ALS2: variants seen among roughly 807,000 people sequenced by gnomAD.
ALS2 encodes alsin Rho guanine nucleotide exchange factor ALS2, also known as alsin.
ALS2 carries 117 observed loss-of-function variants against 203.4 expected under a neutral mutation model. That is an observed-to-expected ratio of 0.58 (90% CI 0.50 to 0.67). The LOEUF (loss-of-function observed/expected upper bound fraction) is 0.67. Among genes scored for constraint, ALS2 ranks in the 30% least tolerant of loss-of-function variants. The pLI, the probability that ALS2 is intolerant of heterozygous loss-of-function variation, is 0.00. For missense variants in ALS2, 1,715 were observed against 1,989.4 expected (o/e 0.86, Z 2.62); for synonymous variants, 718 against 725.9 (o/e 0.99, Z 0.17).
At chr2:201,756,769 A>C (rs1193303958) in intron 5 of ALS2, among the ~76,000 whole-genome samples, 2 of 152,194 alleles carry the variant, frequency 1.3e-5, no homozygotes, top group African/African-American at 2.4e-5. Context: ...TGTGCATACT[A>C]ATCACCTGGG....
intron 5 of ALS2, among the ~76,000 whole-genome samples, chr2:201,755,163 G>T (rs1693302003): frequency 6.6e-6 from 1 of 152,200 alleles, no homozygotes; most frequent in African/African-American, 2.4e-5. Flanking sequence ...GGCTGAGATG[G>T]AAGGATTCCT....
At position 201,706,930 on chromosome 2, in the gene ALS2, C is replaced by T. The variant is rs566436589; in HGVS notation, c.4496G>A (p.Arg1499His). The T allele has an allele frequency of 8.1e-6, 13 of 1,613,978 alleles. No homozygotes were observed. Among genetic ancestry groups the T allele is most frequent in the East Asian group, 6.7e-5 (3 of 44,862 alleles). The part of the protein sequence containing the change: ...LFMLYALDND[R>H]EEDIYWECVL... ...ACATTCCCAGTAAATGTCTTCCTCG[C>T]GATCATTATCCAAAGCATAAAGCAT... Residue 1499 changes from arginine (R) to histidine (H), a missense_variant, in exon 29 of 34, where the codon CGC becomes CAC. This residue lies in a region of ALS2 where 1,227 missense variants were observed against 1,413.5 expected (regional missense o/e 0.87). Transcript: ENST00000264276.
rs1478064977 is a variant in ALS2, at chr2:201,761,788, G to A, written c.206C>T (p.Pro69Leu). The A allele has an allele frequency of 1.2e-6, 2 of 1,613,220 alleles. No individual in the cohort carries two copies. Among genetic ancestry groups the A allele is most frequent in the East Asian group, 2.2e-5 (1 of 44,850 alleles). The change falls in exon 4 of 34, where the codon CCC becomes CTC. Residue 69 changes from proline to leucine, a missense_variant. By Grantham distance (98) the Pro-to-Leu change is moderately conservative. Transcript: ENST00000264276. ...AATCTCCACTGGTCCACTTCTCCAG[G>A]GAAGAGTCCCAAAGCTGTAGACCTC... ...DGEVYSFGTL[P>L]WRSGPVEICP...
In ALS2 at chr2:201,757,456, C is replaced by T; in HGVS notation, c.1417G>A (p.Glu473Lys). The T allele has an allele frequency of 6.2e-7, 1 of 1,614,102 alleles. No individual in the cohort carries two copies. Among genetic ancestry groups the T allele is most frequent in the Non-Finnish European group, 8.5e-7 (1 of 1,180,004 alleles). ...CTTCGACTGCCTCCCTCTGTTTCTT[C>T]TTCTCTGATATCCACAAGACTTGAA... Reference protein sequence around the residue: ...KSSSLVDIREEETEGGSRRLS... With the variant: ...KSSSLVDIREKETEGGSRRLS... Residue 473 changes from glutamate (E) to lysine (K), a missense_variant, in exon 5 of 34, where the codon GAA becomes AAA. Transcript: ENST00000264276.
intron 1 of ALS2, among the ~76,000 whole-genome samples, chr2:201,773,085 A>G (rs1694483496): frequency 6.6e-6 from 1 of 151,904 alleles, no homozygotes; most frequent in Admixed American, 6.6e-5. Context: ...TGGTCTTGAA[A>G]TCCTGACCTT....
intron 1 of ALS2, among the ~76,000 whole-genome samples, chr2:201,772,381 T>C (rs1439811722): frequency 6.6e-6 from 1 of 152,204 alleles, no homozygotes; most frequent in Non-Finnish European, 1.5e-5. Flanking sequence ...CAGAAATCTA[T>C]AGCTCTGAAA....
At chr2:201,773,446 G>C (rs1694506363) in intron 1 of ALS2, among the ~76,000 whole-genome samples, 1 of 152,262 alleles carries the variant, frequency 6.6e-6, no homozygotes, top group South Asian at 2.1e-4. Context: ...GCAGGTATCA[G>C]AAATGATCCC....
rs920096143 is a variant in ALS2 at position 201,777,411 on chromosome 2, G to A, written c.-61+3466C>T. ...GGGAAAGAAGAGTTCTTTTTCCACAGTCTCCTAATTTGAGGGTACAAAGTA... is the reference window on the plus strand; with the variant it reads ...GGGAAAGAAGAGTTCTTTTTCCACAATCTCCTAATTTGAGGGTACAAAGTA... On this transcript the variant is annotated intron_variant, in intron 1 of 33. Transcript: ENST00000264276. Among the ~76,000 whole-genome samples the A allele has an allele frequency of 3.1e-4, 47 of 152,024 alleles. 1 individual carries two copies. Among genetic ancestry groups the A allele is most frequent in the African/African-American group, 8.9e-4 (37 of 41,350 alleles).
At chr2:201,730,021 G>A (rs933817933) in intron 13 of ALS2, among the ~76,000 whole-genome samples, 1 of 151,512 alleles carries the variant, frequency 6.6e-6, no homozygotes, top group African/African-American at 2.4e-5. Flanking sequence ...TCTGTTATAT[G>A]TTGTTTGGTT....
chr2:201,751,610 G>A (rs973539574), intron 7 of ALS2, among the ~76,000 whole-genome samples: 4 of 152,058 alleles, frequency 2.6e-5, no homozygotes, highest in Non-Finnish European at 4.4e-5. Context: ...AGTTTGTTAC[G>A]TATTTTCATT....
intron 23 of ALS2, among the ~76,000 whole-genome samples, chr2:201,721,612 A>C (rs1474654653): frequency 6.6e-6 from 1 of 152,230 alleles, no homozygotes; most frequent in African/African-American, 2.4e-5. Context: ...GCCCATATAC[A>C]AAAGTTATCT....
rs563656616 is a variant in ALS2 at position 201,700,946 on chromosome 2, G to C, written c.*905C>G. 6.6e-6 allele frequency: 1 copy of C among 152,250 alleles called. No homozygotes were observed. The highest frequency in any genetic ancestry group is 1.9e-4 in the East Asian group (1 of 5,194). 9.4% of individuals were successfully genotyped at this position (152,250 alleles called of 1,614,324 possible). A position where few individuals can be genotyped will look rare whatever the true frequency, so the allele number is the denominator to read the frequency against. Reference sequence around the variant, plus strand: ...TGAGTTCAGTGTGAAGTATAGGGAAGAACAACACCAGGCTGGGGATCGATG... The same window carrying C: ...TGAGTTCAGTGTGAAGTATAGGGAACAACAACACCAGGCTGGGGATCGATG... On this transcript the variant is annotated 3_prime_UTR_variant, in exon 34 of 34. Coordinates refer to ENST00000264276, the MANE Select transcript of ALS2 (RefSeq NM_020919.4).
chr2:201,739,009 C>A (rs966671708), intron 11 of ALS2, among the ~76,000 whole-genome samples: 3 of 151,710 alleles, frequency 2.0e-5, no homozygotes, highest in Admixed American at 6.6e-5. Flanking sequence ...GAGGCTAAGG[C>A]GGGAGGATCG....
At position 201,725,374 on chromosome 2, in the gene ALS2, C is replaced by T. The variant is rs758572209; in HGVS notation, c.3329G>A (p.Cys1110Tyr). 2 of 1,613,928 alleles carry T rather than the reference C, an allele frequency of 1.2e-6. No individual in the cohort carries two copies. The highest frequency in any genetic ancestry group is 2.2e-5 in the South Asian group (2 of 91,078). The stretch of plus-strand genomic sequence containing the variant: ...ATGTTACCTGTAGACTCCTTGACCG[C>T]ACATTTTTCCTTCTTTCCAATGGCC... Reference protein sequence around the residue: ...YVGHWKEGKMCGQGVYSYASG... With the variant: ...YVGHWKEGKMYGQGVYSYASG... The change falls in exon 20 of 34, where the codon TGC becomes TAC. Residue 1110 changes from cysteine to tyrosine, a missense_variant. Around this residue, in one of 3 missense-constraint regions of ALS2, gnomAD observed 1,227 missense variants for 1,413.5 expected, o/e 0.87. Transcript: ENST00000264276.
chr2:201,723,914 C>T (rs574398569), intron 21 of ALS2, among the ~76,000 whole-genome samples: 1 of 152,120 alleles, frequency 6.6e-6, no homozygotes, highest in African/African-American at 2.4e-5. Context: ...GCCAGGAGTT[C>T]GAGACCAGCC....
At chr2:201,753,041 T>C in intron 7 of ALS2, 105 bp downstream of exon 7, 2 of 914,226 alleles carry the variant, frequency 2.2e-6, no homozygotes, top group Non-Finnish European at 3.7e-6. Flanking sequence ...GAGATACGGT[T>C]ATCATTGCCT....
chr2:201,738,882 G>T, intron 11 of ALS2, 147 bp from the exon 12 acceptor site: 1 of 722,730 alleles, frequency 1.4e-6, no homozygotes, highest in Non-Finnish European at 2.4e-6. Flanking sequence ...TGAAGGGCAG[G>T]TTGTGTAATA....
intron 25 of ALS2, among the ~76,000 whole-genome samples, chr2:201,712,911 T>C (rs1690120073): frequency 6.6e-6 from 1 of 152,188 alleles, no homozygotes; most frequent in African/African-American, 2.4e-5. Context: ...TGCAGTCATT[T>C]GAATTGCTGA....
At chr2:201,751,510 T>G (rs1384667292) in intron 7 of ALS2, among the ~76,000 whole-genome samples, 1 of 152,214 alleles carries the variant, frequency 6.6e-6, no homozygotes, top group Non-Finnish European at 1.5e-5. Flanking sequence ...AATATAAATA[T>G]CCTTTTGACA....
Sources: gnomAD v4.1 joint callset for allele counts (sites outside exome capture counted in the v4.1 genomes callset) on GRCh38, gnomAD v4.1.1 for gene constraint, gnomAD v4.1.1 regional missense constraint, MANE v1.5 for transcripts, NCBI Gene and HGNC (gene_info 2026-07-23, HGNC 2026-07-21) for gene names.